MACF1: variants seen among roughly 807,000 people sequenced by gnomAD.
The protein encoded by MACF1 is microtubule-actin cross-linking factor 1.
A neutral mutation model predicts 854.8 loss-of-function variants in MACF1; 193 were observed. The ratio of observed to expected loss-of-function variants is 0.23; its 90% CI spans 0.20 to 0.25. The LOEUF (loss-of-function observed/expected upper bound fraction) is 0.25, where lower values mean the gene tolerates loss of function less well. Among genes scored for constraint, MACF1 ranks in the 10% least tolerant of loss-of-function variants. The probability of loss-of-function intolerance (pLI) is 1.00; values close to 1 mark genes in which losing one functional copy is unlikely to be tolerated. For missense variants in MACF1, 7,722 were observed against 8,929.1 expected, an observed-to-expected ratio of 0.86 and a Z score of 5.45; for synonymous variants, 3,185 against 3,226.7, an observed-to-expected ratio of 0.99 and a Z score of 0.44.
intron 2 of MACF1, among the ~76,000 whole-genome samples, chr1:39,178,984 A>C (rs115683813): frequency 6.6e-6 from 1 of 152,192 alleles, no homozygotes; most frequent in African/African-American, 2.4e-5. Flanking sequence ...TCAGAACATA[A>C]GGAGTTAAAT....
chr1:39,323,089 C>T, intron 33 of MACF1, 81 bp downstream of exon 33: 1 of 1,341,270 alleles, frequency 7.5e-7, no homozygotes, highest in Admixed American at 1.7e-5. Context: ...CCTGTAGTCT[C>T]TGGTACCCAG....
At chr1:39,121,276 A>C (rs941632069) in intron 2 of MACF1, among the ~76,000 whole-genome samples, 1 of 152,054 alleles carries the variant, frequency 6.6e-6, no homozygotes, top group African/African-American at 2.4e-5. Context: ...GGTTTTAAAA[A>C]AGTTTAAATA....
Position 39,411,936 on chromosome 1 carries a change from C to T in MACF1, c.15817-10438C>T, listed in dbSNP as rs779833725. The T allele has an allele frequency of 9.9e-6, 16 of 1,613,710 alleles. No individual in the cohort carries two copies. In the South Asian group the frequency reaches 1.2e-4, roughly 12 times the overall value. On this transcript the variant is annotated intron_variant, in intron 58 of 100. Coordinates refer to ENST00000564288, the MANE Select transcript of MACF1 (RefSeq NM_001394062.1). ...CTAATGCTGTGGAACTTATTGCCCA[C>T]GTTGATATCATGAGAGACACTTCCA...
chr1:39,323,557 A>G (rs1388508925), intron 33 of MACF1, among the ~76,000 whole-genome samples: 1 of 151,964 alleles, frequency 6.6e-6, no homozygotes, highest in East Asian at 1.9e-4. Flanking sequence ...AAGACATGGC[A>G]TAGAAAGAAG....
chr1:39,445,083 T>C (rs1570107489), intron 80 of MACF1, among the ~76,000 whole-genome samples: 1 of 152,234 alleles, frequency 6.6e-6, no homozygotes, highest in South Asian at 2.1e-4. Context: ...TTATGTCCTA[T>C]ATTAATCACC....
At chr1:39,121,687 G>A (rs1465132665) in intron 2 of MACF1, among the ~76,000 whole-genome samples, 1 of 152,150 alleles carries the variant, frequency 6.6e-6, no homozygotes, top group East Asian at 1.9e-4. Flanking sequence ...ACCTCAGGTA[G>A]TCCGCTCGTC....
chr1:39,203,443 G>A (rs2148264899), upstream of MACF1, among the ~76,000 whole-genome samples: 1 of 152,240 alleles, frequency 6.6e-6, no homozygotes, highest in African/African-American at 2.4e-5. Context: ...GGGCTCAAGT[G>A]ATCCTCCTGC....
rs560521056 is a variant in MACF1 at position 39,129,116 on chromosome 1, C to T, written c.220+44678C>T. ...CTTCTAAAGATCAGGTGCTTAGAGC[C>T]GGAAGCCTAAGGGAACACTTACCTG... On this transcript the variant is annotated intron_variant, in intron 2 of 93. Transcript: ENST00000361689. 7.2e-5 allele frequency among the ~76,000 whole-genome samples: 11 copies of T among 152,210 alleles called. No homozygotes were observed. The East Asian group carries it at 9.6e-4, about 13-fold the overall frequency.
chr1:39,301,524 C>T (rs1201234874), intron 22 of MACF1, among the ~76,000 whole-genome samples: 1 of 151,988 alleles, frequency 6.6e-6, no homozygotes, highest in Admixed American at 6.6e-5. Flanking sequence ...CCCCTGGGTT[C>T]AAGTGATTAT....
chr1:39,446,592 A>AC (rs1347227560), intron 80 of MACF1, among the ~76,000 whole-genome samples: 3 of 152,096 alleles, frequency 2.0e-5, no homozygotes, highest in African/African-American at 7.2e-5. Flanking sequence ...ACAACAGTTA[A>AC]CGTTTTTGGT....
In MACF1 at chr1:39,295,894, T is replaced by TTCTGTG; in HGVS notation, c.2355+14_2355+19dup. The TTCTGTG allele has an allele frequency of 6.2e-7, 1 of 1,611,552 alleles. No homozygotes were observed. The highest frequency in any genetic ancestry group is 8.5e-7 in the Non-Finnish European group (1 of 1,178,030). On this transcript the variant is annotated intron_variant, in intron 20 of 100. Transcript: ENST00000564288. The stretch of plus-strand genomic sequence containing the variant: ...CTGCTTATTTTCAGGTGTGATGGAT[T>TTCTGTG]TCTGTGTTTGTGTGTGTGTGTACAT...
At chr1:39,373,996 C>T (rs1261391532) in intron 52 of MACF1, among the ~76,000 whole-genome samples, 1 of 152,114 alleles carries the variant, frequency 6.6e-6, no homozygotes, top group African/African-American at 2.4e-5. Flanking sequence ...AATCCCAGCA[C>T]TTTGGGAGGC....
intron 6 of MACF1, among the ~76,000 whole-genome samples, chr1:39,271,261 G>C (rs1027306011): frequency 1.3e-5 from 2 of 152,182 alleles, no homozygotes; most frequent in Non-Finnish European, 2.9e-5. Context: ...GAAGAGGCCT[G>C]AGGAAACTTA....
At chr1:39,237,684 T>C (rs1644874981) in intron 2 of MACF1, among the ~76,000 whole-genome samples, 1 of 151,940 alleles carries the variant, frequency 6.6e-6, no homozygotes, top group African/African-American at 2.4e-5. Context: ...TCAAAATTAC[T>C]TGTTCTTCCT....
In MACF1 at chr1:39,340,528, G is replaced by A. The variant is rs765661404; in HGVS notation, c.10242G>A (p.Leu3414=). The change falls in exon 39 of 101, where the codon CTG becomes CTA. Residue 3414 remains leucine, a synonymous_variant. Transcript: ENST00000564288. ...TATTAGAAAGGGAGTTAAAGGATCT[G>A]ACCACCTTGGTCAGTCAGGAGCTGG... ...AKVLERELKD[L]TTLVSQELEC... is the part of the protein sequence containing the mutation. 2.5e-6 allele frequency: 4 copies of A among 1,613,722 alleles called. No homozygotes were observed. Among genetic ancestry groups the A allele is most frequent in the Non-Finnish European group, 3.4e-6 (4 of 1,179,972 alleles).
At chr1:39,287,664 CTTAA>C (rs1645671293) in intron 15 of MACF1, 102 bp downstream of exon 15, 1 of 1,254,648 alleles carries the variant, frequency 8.0e-7, no homozygotes, top group Non-Finnish European at 1.1e-6. Context: ...TGCAGATTCC[CTTAA>C]TTATTATTAT....
upstream of MACF1, among the ~76,000 whole-genome samples, chr1:39,200,525 C>T (rs1004273040): frequency 4.6e-5 from 7 of 151,794 alleles, no homozygotes; most frequent in Admixed American, 2.0e-4. Flanking sequence ...ATGGCAAAAC[C>T]GTGTCTCTAC....
At chr1:39,174,280 G>A (rs1010313075) in intron 2 of MACF1, among the ~76,000 whole-genome samples, 1 of 152,026 alleles carries the variant, frequency 6.6e-6, no homozygotes, top group Non-Finnish European at 1.5e-5. Flanking sequence ...TATAAAATGG[G>A]GATTATAGTA....
At chr1:39,352,440 T>C (rs1487044414) in intron 43 of MACF1, among the ~76,000 whole-genome samples, 1 of 152,234 alleles carries the variant, frequency 6.6e-6, no homozygotes, top group Non-Finnish European at 1.5e-5. Flanking sequence ...CCGGCACTTC[T>C]GTGTACCTCA....
Sources: allele counts gnomAD v4.1 joint callset (sites outside exome capture counted in the v4.1 genomes callset), GRCh38; gene constraint gnomAD v4.1.1; transcripts MANE v1.5; gene names NCBI Gene and HGNC (gene_info 2026-07-23, HGNC 2026-07-21).